DENND1B: variants seen among roughly 807,000 people sequenced by gnomAD.
DENND1B encodes DENN domain-containing protein 1B.
DENND1B carries 59 observed loss-of-function variants against 90.1 expected under a neutral mutation model. The ratio of observed to expected loss-of-function variants is 0.65; its 90% CI spans 0.53 to 0.81. The LOEUF is 0.81. Among genes scored for constraint, DENND1B ranks in the 40% least tolerant of loss-of-function variants. DENND1B has a pLI of 0.00. For missense variants in DENND1B, 862 were observed against 912.6 expected (o/e 0.94, Z 0.71); for synonymous variants, 337 against 324.6 (o/e 1.04, Z -0.41).
chr1:197,586,557 A>G (rs1466808274), intron 14 of DENND1B, among the ~76,000 whole-genome samples: 2 of 152,162 alleles, frequency 1.3e-5, no homozygotes, highest in African/African-American at 2.4e-5. Context: ...CCAGATTTCT[A>G]GATTAAGGGT....
intron 7 of DENND1B, among the ~76,000 whole-genome samples, chr1:197,651,349 G>C (rs905399579): frequency 3.3e-5 from 5 of 152,048 alleles, no homozygotes; most frequent in African/African-American, 9.7e-5. Context: ...TTTAGATATA[G>C]ATGGTACACT....
rs149451344 is a variant in DENND1B, at chr1:197,652,182, G to A, written c.447+53C>T. The A allele has an allele frequency of 1.6e-5, 24 of 1,505,982 alleles. No homozygotes were observed. The East Asian group carries it at 1.6e-4, about 10-fold the overall frequency. 93.3% of individuals were successfully genotyped at this position (1,505,982 alleles called of 1,614,324 possible). On this transcript the variant is annotated intron_variant, in intron 7 of 22. Coordinates refer to ENST00000620048, the MANE Select transcript of DENND1B (RefSeq NM_001195215.2). ...GCCTGAAGGTACACGTGCTCTTAACGAAATTGAGACATAGCTATGACTCCC... is the reference window on the plus strand; with the variant it reads ...GCCTGAAGGTACACGTGCTCTTAACAAAATTGAGACATAGCTATGACTCCC...
intron 2 of DENND1B, among the ~76,000 whole-genome samples, chr1:197,717,082 T>A (rs1335944976): frequency 1.3e-5 from 2 of 151,914 alleles, no homozygotes; most frequent in Non-Finnish European, 2.9e-5. Context: ...ACGCAAAAAA[T>A]TATTATAATC....
intron 6 of DENND1B, among the ~76,000 whole-genome samples, chr1:197,653,106 A>G (rs1653417424): frequency 6.6e-6 from 1 of 152,006 alleles, no homozygotes; most frequent in Admixed American, 6.6e-5. Context: ...TGCCTTGTCT[A>G]TCCACTTATA....
At chr1:197,575,809 ACT>A (rs1302605481) in intron 15 of DENND1B, among the ~76,000 whole-genome samples, 1 of 152,086 alleles carries the variant, frequency 6.6e-6, no homozygotes, top group Non-Finnish European at 1.5e-5. Context: ...GGAAACCATC[ACT>A]CTCAGCAAAC....
intron 1 of DENND1B, among the ~76,000 whole-genome samples, chr1:197,773,367 T>C (rs1656861716): frequency 6.6e-6 from 1 of 152,198 alleles, no homozygotes; most frequent in Admixed American, 6.5e-5. Flanking sequence ...TGACACAGGT[T>C]CTCAGGCTGT....
intron 10 of DENND1B, among the ~76,000 whole-genome samples, chr1:197,628,404 T>G (rs1331542572): frequency 2.0e-5 from 3 of 152,066 alleles, no homozygotes; most frequent in Middle Eastern, 3.2e-3. Flanking sequence ...TTGACAAACC[T>G]GACAAAAACA....
At chr1:197,581,424 G>T (rs754912444) in intron 15 of DENND1B, among the ~76,000 whole-genome samples, 8 of 152,126 alleles carry the variant, frequency 5.3e-5, no homozygotes, top group Non-Finnish European at 1.0e-4. Flanking sequence ...GTCCTACACA[G>T]ATATGTATTT....
intron 16 of DENND1B, among the ~76,000 whole-genome samples, chr1:197,551,113 C>CACA (rs368753746): frequency 0.19 from 9,386 of 49,202 alleles, 376 homozygotes; most frequent in Non-Finnish European, 0.25. Context: ...ACACACACAC[C>CACA]CCCTAGATAG....
At chr1:197,755,247 C>T (rs1654125741) in intron 2 of DENND1B, among the ~76,000 whole-genome samples, 1 of 152,138 alleles carries the variant, frequency 6.6e-6, no homozygotes, top group South Asian at 2.1e-4. Context: ...TTCTGTGCTC[C>T]AGTTTCCTCA....
chr1:197,718,508 T>A (rs963471459), intron 2 of DENND1B, among the ~76,000 whole-genome samples: 2 of 151,838 alleles, frequency 1.3e-5, no homozygotes, highest in Non-Finnish European at 2.9e-5. Context: ...CACATAATGG[T>A]GAACTAAACA....
At chr1:197,566,308 A>G (rs894690101) in intron 15 of DENND1B, among the ~76,000 whole-genome samples, 3 of 151,978 alleles carry the variant, frequency 2.0e-5, no homozygotes, top group African/African-American at 4.8e-5. Flanking sequence ...GTGTCTGTTC[A>G]TGTCCTTTGC....
intron 15 of DENND1B, among the ~76,000 whole-genome samples, chr1:197,560,525 C>G (rs1431986744): frequency 6.6e-6 from 1 of 151,730 alleles, no homozygotes. Flanking sequence ...CTCATGAAGA[C>G]AGCATTTAAG....
chr1:197,617,678 G>C lies in DENND1B; in HGVS notation c.754C>G (p.His252Asp), dbSNP rs761748782. The part of the protein sequence containing the change: ...QHIYIPVLPP[H>D]LLDYCCAPMP... ...GCTTACCAGCAGTAGTCCAGCAGGT[G>C]TGGAGGAAGCACTGGGATGTATATG... The change falls in exon 11 of 23, where the codon CAC (histidine) becomes GAC (aspartate). Residue 252 changes from histidine to aspartate, a missense_variant. Transcript: ENST00000620048. 2 of 1,607,298 alleles carry C rather than the reference G, an allele frequency of 1.2e-6. No homozygotes were observed. The highest frequency in any genetic ancestry group is 1.7e-6 in the Non-Finnish European group (2 of 1,175,242).
chr1:197,696,538 C>T (rs1658449610), intron 3 of DENND1B, among the ~76,000 whole-genome samples: 1 of 151,472 alleles, frequency 6.6e-6, no homozygotes, highest in Non-Finnish European at 1.5e-5. Context: ...ATTAAATCTT[C>T]ATGCTACCTA....
intron 5 of DENND1B, among the ~76,000 whole-genome samples, chr1:197,659,378 A>C (rs1323473243): frequency 6.6e-6 from 1 of 151,902 alleles, no homozygotes; most frequent in Non-Finnish European, 1.5e-5. Flanking sequence ...AGTAGTAATA[A>C]AAGAGGAATT....
intron 20 of DENND1B, among the ~76,000 whole-genome samples, chr1:197,524,532 A>C (rs570774938): frequency 6.6e-6 from 1 of 152,256 alleles, no homozygotes; most frequent in East Asian, 1.9e-4. Context: ...TCTTTCTATT[A>C]AGTGATGAGG....
At chr1:197,622,800 C>G (rs990798536) in intron 10 of DENND1B, among the ~76,000 whole-genome samples, 1 of 151,440 alleles carries the variant, frequency 6.6e-6, no homozygotes, top group African/African-American at 2.4e-5. Flanking sequence ...GATACAAAAT[C>G]TGATTTGTTC....
intron 3 of DENND1B, among the ~76,000 whole-genome samples, chr1:197,696,806 T>C (rs943750762): frequency 5.3e-5 from 8 of 151,256 alleles, no homozygotes; most frequent in African/African-American, 1.5e-4. Flanking sequence ...CCAGCCACTC[T>C]ACTAGATGTG....
Sources: gnomAD v4.1 joint callset for allele counts (sites outside exome capture counted in the v4.1 genomes callset) on GRCh38, gnomAD v4.1.1 for gene constraint, MANE v1.5 for transcripts, NCBI Gene and HGNC (gene_info 2026-07-23, HGNC 2026-07-21) for gene names.